The following TLE4 variants were observed in gnomAD, a reference collection of about 807,000 sequenced individuals.
TLE4 encodes transducin-like enhancer protein 4.
In TLE4, 8 loss-of-function variants were observed where a neutral mutation model predicts 92.8. That is an observed-to-expected ratio of 0.09 (90% confidence interval 0.05 to 0.16). TLE4 has a LOEUF of 0.16. Among genes scored for constraint, TLE4 ranks in the 10% least tolerant of loss-of-function variants. The pLI is 1.00. For missense variants in TLE4, 675 were observed against 997.6 expected (o/e 0.68, Z 4.36); for synonymous variants, 371 against 374.1 (o/e 0.99, Z 0.10).
intron 14 of TLE4, among the ~76,000 whole-genome samples, chr9:79,713,132 T>C (rs1370069906): frequency 6.6e-6 from 1 of 152,126 alleles, no homozygotes; most frequent in Non-Finnish European, 1.5e-5. Context: ...TCGAAGCCCA[T>C]CTTGTGACAC....
intron 8 of TLE4, among the ~76,000 whole-genome samples, chr9:79,654,495 AT>A (rs557985264): frequency 0.11 from 15,881 of 142,912 alleles, 842 homozygotes; most frequent in Middle Eastern, 0.14. Context: ...TGAATGGTGC[AT>A]TTTTTTTTTT....
chr9:79,710,972 G>T (rs2073135988), intron 14 of TLE4, among the ~76,000 whole-genome samples: 1 of 152,094 alleles, frequency 6.6e-6, no homozygotes, highest in African/African-American at 2.4e-5. Context: ...ACCTCCCATT[G>T]CTTGTTTATT....
chr9:79,719,938 G>T, intron 15 of TLE4, 108 bp from the exon 16 acceptor site: 1 of 1,389,750 alleles, frequency 7.2e-7, no homozygotes, highest in Non-Finnish European at 9.7e-7. Flanking sequence ...AGTATAAACG[G>T]CTCATTAAAC....
In TLE4 at chr9:79,720,426, A is replaced by G. The variant is rs1011734659; in HGVS notation, c.1838+133A>G. ...TGTGTGTGTGTGTGTGTGTGTGTGT[A>G]AAGTGATATAATTATCTTACTAAAA... On this transcript the variant is annotated intron_variant, in intron 16 of 19. Coordinates refer to ENST00000376552, the MANE Select transcript of TLE4 (RefSeq NM_007005.6). 47 of 1,035,140 alleles carry G rather than the reference A, an allele frequency of 4.5e-5. 1 individual carries two copies. In the African/African-American group the frequency reaches 7.9e-4, roughly 17 times the overall value. 64.1% of individuals were successfully genotyped at this position (1,035,140 alleles called of 1,614,324 possible).
At chr9:79,630,769 A>G (rs566344764) in intron 6 of TLE4, among the ~76,000 whole-genome samples, 45 of 152,300 alleles carry the variant, frequency 3.0e-4, no homozygotes, top group Non-Finnish European at 6.2e-4. Flanking sequence ...CTATTACACT[A>G]TATAATCAGT....
chr9:79,655,081 G>T (rs1218188780), intron 8 of TLE4, among the ~76,000 whole-genome samples: 1 of 152,148 alleles, frequency 6.6e-6, no homozygotes, highest in Non-Finnish European at 1.5e-5. Context: ...GGCAGAGGTT[G>T]CAGTGAGCCG....
intron 4 of TLE4, among the ~76,000 whole-genome samples, chr9:79,606,191 T>G (rs1226666584): frequency 9.0e-5 from 6 of 66,552 alleles, no homozygotes; most frequent in Non-Finnish European, 8.5e-5. Flanking sequence ...GTAGTTGTTT[T>G]TTTTTTTTTT....
chr9:79,573,640 G>T, intron 1 of TLE4, 49 bp from the exon 2 acceptor site: 1 of 1,464,434 alleles, frequency 6.8e-7, no homozygotes, highest in Non-Finnish European at 9.4e-7. Flanking sequence ...CCGTCTCCCT[G>T]CTTCGCCTGT....
chr9:79,637,904 C>T (rs1484897363), intron 6 of TLE4, among the ~76,000 whole-genome samples: 3 of 151,872 alleles, frequency 2.0e-5, no homozygotes, highest in Admixed American at 1.3e-4. Context: ...GGAGAGTGTT[C>T]ACAAAGGGTC....
intron 4 of TLE4, among the ~76,000 whole-genome samples, chr9:79,611,837 T>TTACTGTA (rs142976070): frequency 0.019 from 2,875 of 151,808 alleles, 100 homozygotes; most frequent in African/African-American, 0.063. Flanking sequence ...TTCTTTTAAC[T>TTACTGTA]TACTGTAGCA....
chr9:79,681,834 G>A lies in TLE4; in HGVS notation c.610-22949G>A, dbSNP rs1282916266. 1.9e-4 allele frequency among the ~76,000 whole-genome samples: 13 copies of A among 67,048 alleles called. No homozygotes were observed. The South Asian group carries it at 4.1e-3, about 21-fold the overall frequency. 44.0% of individuals were successfully genotyped at this position (67,048 alleles called of 152,430 possible). On this transcript the variant is annotated intron_variant, in intron 8 of 19. Coordinates refer to ENST00000376552, the MANE Select transcript of TLE4 (RefSeq NM_007005.6). ...AGAGAGAGAGAGAGAGTGTGTGCAT[G>A]TGTGTGTGTGTGTGTGTGTGTGTGT...
intron 1 of TLE4, chr9:79,573,179 C>A: frequency 1.1e-6 from 1 of 940,540 alleles, no homozygotes; most frequent in Non-Finnish European, 1.3e-6. Flanking sequence ...GGGAGGGCGC[C>A]CTCGGCAGCG....
chr9:79,660,155 C>T (rs1357723932), intron 8 of TLE4, among the ~76,000 whole-genome samples: 1 of 152,182 alleles, frequency 6.6e-6, no homozygotes, highest in Admixed American at 6.5e-5. Context: ...TGTAGGAAGG[C>T]TATGCCAGGT....
intron 8 of TLE4, among the ~76,000 whole-genome samples, chr9:79,686,011 G>T (rs1329303420): frequency 6.6e-6 from 1 of 152,046 alleles, no homozygotes; most frequent in African/African-American, 2.4e-5. Context: ...TAAAAATACA[G>T]CATGTACATT....
intron 8 of TLE4, among the ~76,000 whole-genome samples, chr9:79,696,778 G>C (rs2068370101): frequency 6.6e-6 from 1 of 152,126 alleles, no homozygotes; most frequent in South Asian, 2.1e-4. Flanking sequence ...TTATTTCTCT[G>C]AGCTGTTACC....
chr9:79,572,748 A>T lies in TLE4; in HGVS notation c.-43A>T. ...CTCTTCGGGGTCATTAAAGCCAATG[A>T]GCCGCGCGCCTCTGCCGAGCGCAGC... is the stretch of plus-strand genomic sequence containing the variant. On this transcript the variant is annotated 5_prime_UTR_variant, in exon 1 of 20. Coordinates refer to ENST00000376552, the MANE Select transcript of TLE4 (RefSeq NM_007005.6). 1 of 1,588,084 alleles carries T rather than the reference A, an allele frequency of 6.3e-7. No homozygotes were observed. Among genetic ancestry groups the T allele is most frequent in the South Asian group, 1.1e-5 (1 of 88,540 alleles).
intron 4 of TLE4, among the ~76,000 whole-genome samples, chr9:79,603,636 C>T (rs977773302): frequency 6.6e-6 from 1 of 152,018 alleles, no homozygotes; most frequent in African/African-American, 2.4e-5. Context: ...TTGTGTGACT[C>T]GCTTTATTGT....
At chr9:79,718,675 C>T (rs2075042723) in intron 14 of TLE4, 47 bp from the exon 15 acceptor site, 2 of 1,571,594 alleles carry the variant, frequency 1.3e-6, no homozygotes, top group South Asian at 1.2e-5. Context: ...AGTTAAGTGA[C>T]ATTTTTTTAC....
At chr9:79,623,427 C>A (rs2051575544) in intron 5 of TLE4, among the ~76,000 whole-genome samples, 1 of 151,864 alleles carries the variant, frequency 6.6e-6, no homozygotes, top group Non-Finnish European at 1.5e-5. Flanking sequence ...ATTTTAGTTT[C>A]TTATAGAAAA....
Sources: allele counts gnomAD v4.1 joint callset (sites outside exome capture counted in the v4.1 genomes callset), GRCh38; gene constraint gnomAD v4.1.1; transcripts MANE v1.5; gene names NCBI Gene and HGNC (gene_info 2026-07-23, HGNC 2026-07-21).